The following RNF13 variants were observed in gnomAD, a reference collection of about 807,000 sequenced individuals.
The protein encoded by RNF13 is ring finger protein 13.
RNF13 carries 19 observed loss-of-function variants against 37.7 expected under a neutral mutation model. The observed-to-expected ratio is 0.50, with a 90% CI of 0.35 to 0.74. RNF13 has a LOEUF of 0.74. RNF13 is among the 30% of genes least tolerant of loss of function. The pLI, the probability that RNF13 is intolerant of heterozygous loss-of-function variation, is 0.01. For missense variants in RNF13, 375 were observed against 453.0 expected (o/e 0.83, Z 1.56); for synonymous variants, 144 against 157.8 (o/e 0.91, Z 0.65).
intron 1 of RNF13, among the ~76,000 whole-genome samples, chr3:149,823,268 A>G (rs1051895498): frequency 2.0e-5 from 3 of 152,148 alleles, no homozygotes; most frequent in Non-Finnish European, 2.9e-5. Flanking sequence ...AGTGGAACCT[A>G]CTATAGAGTT....
chr3:149,912,667 A>G (rs1338823083), intron 7 of RNF13, among the ~76,000 whole-genome samples: 2 of 152,128 alleles, frequency 1.3e-5, no homozygotes, highest in Non-Finnish European at 2.9e-5. Flanking sequence ...TTTATTATAA[A>G]ATTCAACTCT....
chr3:149,827,683 A>AT (rs1720643014), intron 1 of RNF13, among the ~76,000 whole-genome samples: 1 of 152,244 alleles, frequency 6.6e-6, no homozygotes, highest in Admixed American at 6.5e-5. Context: ...TCATATTATA[A>AT]TAAAAAAAGG....
intron 7 of RNF13, among the ~76,000 whole-genome samples, chr3:149,912,945 G>A (rs1352011721): frequency 6.6e-6 from 1 of 152,060 alleles, no homozygotes; most frequent in Non-Finnish European, 1.5e-5. Flanking sequence ...AACAGAAGCA[G>A]TTTGAAAATC....
intron 7 of RNF13, among the ~76,000 whole-genome samples, chr3:149,919,517 T>C (rs1363306011): frequency 6.6e-6 from 1 of 152,230 alleles, no homozygotes; most frequent in East Asian, 1.9e-4. Context: ...CTCTTTTGTG[T>C]CTGTCTTCTT....
At chr3:149,886,257 T>G (rs1714020807) in intron 4 of RNF13, among the ~76,000 whole-genome samples, 1 of 152,244 alleles carries the variant, frequency 6.6e-6, no homozygotes, top group South Asian at 2.1e-4. Context: ...TTTTTCTCTA[T>G]TTCTGTGAAG....
At chr3:149,848,313 T>C (rs1177904941) in intron 2 of RNF13, among the ~76,000 whole-genome samples, 1 of 152,192 alleles carries the variant, frequency 6.6e-6, no homozygotes, top group Non-Finnish European at 1.5e-5. Flanking sequence ...GTGAAGGAAC[T>C]GTAAGATGGG....
At position 149,902,081 on chromosome 3, in the gene RNF13, TA is replaced by T; in HGVS notation, c.422del (p.Lys141ArgfsTer18). 7.0e-7 allele frequency: 1 copy of T among 1,432,792 alleles called. No individual in the cohort carries two copies. The highest frequency in any genetic ancestry group is 9.4e-7 in the Non-Finnish European group (1 of 1,061,108). 88.8% of individuals were successfully genotyped at this position (1,432,792 alleles called of 1,614,324 possible). On this transcript the variant is annotated frameshift_variant, in exon 6 of 10. Coordinates refer to ENST00000392894, the MANE Select transcript of RNF13 (RefSeq NM_183381.3). LOFTEE classifies it high-confidence loss of function. ...ISMGSNDIEV[L>X]KKIDIPSVFI... ...TTATTCTTTTATACAGTTGAGGTAC[TA>T]AAGAAAATTGACATTCCATCTGTCT...
intron 3 of RNF13, 33 bp downstream of exon 3, chr3:149,852,629 A>C: frequency 1.0e-6 from 1 of 989,440 alleles, no homozygotes; most frequent in Non-Finnish European, 1.5e-6. Flanking sequence ...GTAAAGACAC[A>C]AGGTATTTAA....
chr3:149,839,880 A>G (rs1721998485), intron 1 of RNF13, among the ~76,000 whole-genome samples: 1 of 151,978 alleles, frequency 6.6e-6, no homozygotes, highest in African/African-American at 2.4e-5. Flanking sequence ...ACTGTTTCTC[A>G]TCTCTTTTGA....
At chr3:149,895,653 A>G (rs1346177924) in intron 5 of RNF13, 93 bp downstream of exon 5, 1 of 792,480 alleles carries the variant, frequency 1.3e-6, no homozygotes, top group East Asian at 2.8e-5. Context: ...TTTCTTTTTA[A>G]AAAGCAAAAT....
chr3:149,887,936 C>G (rs572303228), intron 4 of RNF13, among the ~76,000 whole-genome samples: 1 of 152,162 alleles, frequency 6.6e-6, no homozygotes, highest in Non-Finnish European at 1.5e-5. Flanking sequence ...CAAGTTCATA[C>G]TTGAACATGA....
At chr3:149,826,288 A>G (rs1231698209) in intron 1 of RNF13, among the ~76,000 whole-genome samples, 1 of 152,216 alleles carries the variant, frequency 6.6e-6, no homozygotes, top group Non-Finnish European at 1.5e-5. Context: ...AGTGGCTGCT[A>G]CATTTGACCT....
At chr3:149,873,021 A>G (rs542358146) in intron 4 of RNF13, among the ~76,000 whole-genome samples, 1 of 152,316 alleles carries the variant, frequency 6.6e-6, no homozygotes, top group African/African-American at 2.4e-5. Context: ...TTTAAATGGG[A>G]ATAAATTAGA....
chr3:149,931,144 G>A (rs1719124006), intron 8 of RNF13, among the ~76,000 whole-genome samples: 1 of 151,980 alleles, frequency 6.6e-6, no homozygotes, highest in South Asian at 2.1e-4. Context: ...GCTGACTGCA[G>A]CCTCGACTTC....
At chr3:149,933,991 CA>C (rs1234896359) in intron 8 of RNF13, among the ~76,000 whole-genome samples, 1 of 152,180 alleles carries the variant, frequency 6.6e-6, no homozygotes, top group African/African-American at 2.4e-5. Context: ...TAGTTTTCAG[CA>C]GTGAAGCCAT....
chr3:149,832,315 G>A (rs57260919), intron 1 of RNF13, among the ~76,000 whole-genome samples: 2,579 of 152,252 alleles, frequency 0.017, 82 homozygotes, highest in African/African-American at 0.058. Flanking sequence ...TTATTTGGCA[G>A]TGAAGCAGTT....
intron 6 of RNF13, among the ~76,000 whole-genome samples, 153 bp from the exon 7 acceptor site, chr3:149,911,825 T>C (rs570908545): frequency 4.8e-4 from 73 of 152,334 alleles, no homozygotes; most frequent in African/African-American, 1.8e-3. Flanking sequence ...CCTTAAATTA[T>C]TGAAAGTCAT....
chr3:149,854,716 G>GT (rs1483475412), intron 3 of RNF13, among the ~76,000 whole-genome samples: 2 of 152,136 alleles, frequency 1.3e-5, no homozygotes, highest in African/African-American at 4.8e-5. Context: ...AGCCTTTGTG[G>GT]TTTTACCTCA....
chr3:149,821,139 A>G (rs893166065), intron 1 of RNF13, among the ~76,000 whole-genome samples: 3 of 152,082 alleles, frequency 2.0e-5, no homozygotes, highest in African/African-American at 7.2e-5. Context: ...TTTGTGTCCA[A>G]GGATTTATTT....
Sources: allele counts gnomAD v4.1 joint callset (sites outside exome capture counted in the v4.1 genomes callset), GRCh38; gene constraint gnomAD v4.1.1; transcripts MANE v1.5; gene names NCBI Gene and HGNC (gene_info 2026-07-23, HGNC 2026-07-21).